Variants in PGLYRP4 observed in about 807,000 individuals in gnomAD.
PGLYRP4 encodes the protein peptidoglycan recognition protein 4, also known as PGRP-I-beta.
PGLYRP4 carries 39 observed loss-of-function variants against 41.2 expected under a neutral mutation model. The observed-to-expected ratio is 0.95, with a 90% CI of 0.73 to 1.24. PGLYRP4 has a LOEUF of 1.24. Ranked by LOEUF, PGLYRP4 falls within the 50% of genes most tolerant of loss-of-function variation. PGLYRP4 has a pLI of 0.00. For synonymous variants in PGLYRP4, 202 were observed against 186.8 expected, an observed-to-expected ratio of 1.08 and a Z score of -0.66; for missense variants, 467 against 460.7, an observed-to-expected ratio of 1.01 and a Z score of -0.13.
At position 153,348,538 on chromosome 1, in the gene PGLYRP4, G is replaced by A. The variant is rs964050689; in HGVS notation, c.-57C>T. On this transcript the variant is annotated 5_prime_UTR_variant, in exon 1 of 9. Coordinates refer to ENST00000359650, the MANE Select transcript of PGLYRP4 (RefSeq NM_020393.4). ...ACATACTCAACTCACAGATATCTGTGGGTCCTGTGCTGTCCCAGCCCAGCA... is the reference window on the plus strand; with the variant it reads ...ACATACTCAACTCACAGATATCTGTAGGTCCTGTGCTGTCCCAGCCCAGCA... 1 of 152,698 alleles carries A rather than the reference G, an allele frequency of 6.5e-6. No homozygotes were observed. The allele number at this position is 152,698 out of a possible 1,614,324, so 9.5% of individuals were successfully genotyped here. A position where few individuals can be genotyped will look rare whatever the true frequency, so the allele number is the denominator to read the frequency against.
chr1:153,335,358 A>G (rs1660510792), intron 8 of PGLYRP4, among the ~76,000 whole-genome samples: 1 of 152,254 alleles, frequency 6.6e-6, no homozygotes, highest in Non-Finnish European at 1.5e-5. Flanking sequence ...GAAAAAAGTC[A>G]GCTCATTAAA....
intron 2 of PGLYRP4, 74 bp downstream of exon 2, chr1:153,347,810 T>A: frequency 8.6e-7 from 1 of 1,163,330 alleles, no homozygotes; most frequent in Non-Finnish European, 1.3e-6. Context: ...ACAGTAGGTA[T>A]TTTTTAATTC....
intron 3 of PGLYRP4, 93 bp downstream of exon 3, chr1:153,346,009 C>T (rs1660993751): frequency 1.1e-6 from 1 of 899,150 alleles, no homozygotes. Context: ...CCCTCCCAGT[C>T]ACATGTGGCT....
chr1:153,337,172 T>A lies in PGLYRP4; in HGVS notation c.943+9A>T, dbSNP rs1325753376. The A allele has an allele frequency of 1.5e-5, 23 of 1,559,996 alleles. No individual in the cohort carries two copies. In the East Asian group the frequency reaches 4.9e-4, roughly 33 times the overall value. ...TGCAATGACCCTACTGACCAAAGCA[T>A]CCACTTACCTGTGAAGGTGCCCATG... On this transcript the variant is annotated intron_variant, in intron 8 of 8. Transcript: ENST00000359650.
intron 7 of PGLYRP4, among the ~76,000 whole-genome samples, chr1:153,337,761 CG>C (rs1232292777): frequency 1.3e-5 from 2 of 152,114 alleles, no homozygotes; most frequent in Non-Finnish European, 2.9e-5. Flanking sequence ...ACCAAGAAAA[CG>C]GTTTCCCCCA....
At chr1:153,338,237 G>T (rs144523838) in intron 7 of PGLYRP4, among the ~76,000 whole-genome samples, 48 of 152,242 alleles carry the variant, frequency 3.2e-4, no homozygotes, top group African/African-American at 1.1e-3. Context: ...ACCCAGGCTT[G>T]TCAATGATGT....
intron 8 of PGLYRP4, among the ~76,000 whole-genome samples, chr1:153,334,502 T>C (rs929648562): frequency 2.2e-5 from 2 of 91,802 alleles, no homozygotes; most frequent in Non-Finnish European, 5.2e-5. Context: ...ACCAAGGAGG[T>C]GAAAGATCTC....
intron 4 of PGLYRP4, 75 bp from the exon 5 acceptor site, chr1:153,343,283 C>T: frequency 1.1e-6 from 1 of 949,242 alleles, no homozygotes; most frequent in Non-Finnish European, 1.7e-6. Flanking sequence ...ACTTACCCAG[C>T]CTCAAAATGG....
rs924605436 is a variant in PGLYRP4, at chr1:153,330,553, C to A, written c.*214G>T. 3.0e-5 allele frequency: 12 copies of A among 394,494 alleles called. No individual in the cohort carries two copies. Among genetic ancestry groups the A allele is most frequent in the African/African-American group, 2.2e-4 (11 of 50,376 alleles). 24.4% of individuals were successfully genotyped at this position (394,494 alleles called of 1,614,324 possible). ...GGTAAGGAGAGAAGAAATCTGGACT[C>A]AGACTCAGAGGGCTGTGAATGTCCA... On this transcript the variant is annotated 3_prime_UTR_variant, in exon 9 of 9. Coordinates refer to ENST00000359650, the MANE Select transcript of PGLYRP4 (RefSeq NM_020393.4).
Position 153,337,317 on chromosome 1 carries a change from G to A in PGLYRP4, c.825-18C>T, listed in dbSNP as rs757944596. Reference sequence around the variant, plus strand: ...CCAGGAAGCTAGAGGACCACAAGGGGAGATGGAGACCAGCATGAAATTCTG... The same window carrying A: ...CCAGGAAGCTAGAGGACCACAAGGGAAGATGGAGACCAGCATGAAATTCTG... On this transcript the variant is annotated intron_variant, in intron 7 of 8. Coordinates refer to ENST00000359650, the MANE Select transcript of PGLYRP4 (RefSeq NM_020393.4). 2 of 1,426,398 alleles carry A rather than the reference G, an allele frequency of 1.4e-6. No homozygotes were observed. Among genetic ancestry groups the A allele is most frequent in the Middle Eastern group, 1.8e-4 (1 of 5,588 alleles). The allele number at this position is 1,426,398 out of a possible 1,614,324, so 88.4% of individuals were successfully genotyped here.
chr1:153,345,055 A>ATG lies in PGLYRP4; in HGVS notation c.353+113_353+114insCA, dbSNP rs1660945118. On this transcript the variant is annotated intron_variant, in intron 4 of 8. Transcript: ENST00000359650. ...GGTTTTAAATATTTTATTCATTATA[A>ATG]AACATATAGGACCACAACCCAGAAA... The ATG allele has an allele frequency of 5.2e-6, 4 of 772,622 alleles. No individual in the cohort carries two copies. In the South Asian group the frequency reaches 7.0e-5, roughly 13 times the overall value. 47.9% of individuals were successfully genotyped at this position (772,622 alleles called of 1,614,324 possible).
In PGLYRP4 at chr1:153,330,709, G is replaced by C. The variant is rs751336126; in HGVS notation, c.*58C>G. The C allele has an allele frequency of 6.7e-7, 1 of 1,491,114 alleles. No homozygotes were observed. The highest frequency in any genetic ancestry group is 9.3e-7 in the Non-Finnish European group (1 of 1,078,264). 92.4% of individuals were successfully genotyped at this position (1,491,114 alleles called of 1,614,324 possible). On this transcript the variant is annotated 3_prime_UTR_variant, in exon 9 of 9. Transcript: ENST00000359650. ...GGTGTTGAGCCAAGCTGGATGGTTA[G>C]GACAGGAGAGACCTGACAGGGGAGG...
intron 8 of PGLYRP4, among the ~76,000 whole-genome samples, chr1:153,332,697 G>A (rs1660388356): frequency 6.6e-6 from 1 of 152,020 alleles, no homozygotes; most frequent in Non-Finnish European, 1.5e-5. Flanking sequence ...GGACCACAGT[G>A]GAAGAAAACT....
chr1:153,338,657 G>A (rs1275477816), intron 7 of PGLYRP4, among the ~76,000 whole-genome samples: 1 of 151,976 alleles, frequency 6.6e-6, no homozygotes, highest in East Asian at 1.9e-4. Flanking sequence ...CCCCACAGGC[G>A]CCTCTCTCAG....
At chr1:153,338,329 A>C (rs1371112794) in intron 7 of PGLYRP4, among the ~76,000 whole-genome samples, 1 of 152,040 alleles carries the variant, frequency 6.6e-6, no homozygotes, top group Non-Finnish European at 1.5e-5. Flanking sequence ...TCTTCCACTT[A>C]TCTCTGTAAC....
chr1:153,340,526 G>T lies in PGLYRP4; in HGVS notation c.679C>A (p.Pro227Thr). The change falls in exon 7 of 9, where the codon CCC (proline) becomes ACC (threonine). Residue 227 changes from proline (P) to threonine (T), a missense_variant. Coordinates refer to ENST00000359650, the MANE Select transcript of PGLYRP4 (RefSeq NM_020393.4). ...SVWGARETHCPRMTLPAKYGI... is the reference protein window; with the variant it reads ...SVWGARETHCTRMTLPAKYGI... ...TACTTCGCTGGGAGAGTCATCCTGG[G>T]ACAGTGGGTCTCCCTGGCTCCCCAC... 6.2e-7 allele frequency: 1 copy of T among 1,614,150 alleles called. No individual in the cohort carries two copies.
At chr1:153,337,443 A>C in intron 7 of PGLYRP4, 144 bp from the exon 8 acceptor site, 1 of 611,614 alleles carries the variant, frequency 1.6e-6, no homozygotes, top group Non-Finnish European at 2.9e-6. Context: ...GAAACAAGAC[A>C]GAGTCCTTGC....
At chr1:153,335,626 G>T (rs1048415602) in intron 8 of PGLYRP4, among the ~76,000 whole-genome samples, 8 of 150,096 alleles carry the variant, frequency 5.3e-5, no homozygotes, top group African/African-American at 2.0e-4. Flanking sequence ...TCGGGAGGCT[G>T]AGGCAGGAGA....
chr1:153,336,611 A>G (rs962168986), intron 8 of PGLYRP4, among the ~76,000 whole-genome samples: 1 of 152,186 alleles, frequency 6.6e-6, no homozygotes, highest in African/African-American at 2.4e-5. Flanking sequence ...ATTAGGGATA[A>G]GACGTTATTT....
Sources: gnomAD v4.1 joint callset for allele counts (sites outside exome capture counted in the v4.1 genomes callset) on GRCh38, gnomAD v4.1.1 for gene constraint, MANE v1.5 for transcripts, NCBI Gene and HGNC (gene_info 2026-07-23, HGNC 2026-07-21) for gene names.